Variants in REPS2 observed in about 807,000 individuals in gnomAD.
REPS2 encodes RALBP1 associated Eps domain containing 2, also known as ralBP1-associated Eps domain-containing protein 2.
REPS2 carries 23 observed loss-of-function variants against 53.6 expected under a neutral mutation model. The observed-to-expected ratio is 0.43, with a 90% CI of 0.31 to 0.61. The LOEUF (loss-of-function observed/expected upper bound fraction) is 0.61, where lower values mean the gene tolerates loss of function less well. Ranked by LOEUF, REPS2 falls within the 20% of genes least tolerant of loss-of-function variation. The pLI is 0.11. For missense variants in REPS2, 446 were observed against 534.9 expected (o/e 0.83, Z 1.64); for synonymous variants, 238 against 218.6 (o/e 1.09, Z -0.78).
chrX:16,993,458 C>T (rs902330513), intron 1 of REPS2, among the ~76,000 whole-genome samples: 6 of 111,318 alleles, frequency 5.4e-5, no homozygotes, highest in Admixed American at 4.8e-4. Context: ...TGATCCTAGG[C>T]GTGAGGTAGA....
chrX:17,117,656 T>G (rs1388061852), intron 14 of REPS2, among the ~76,000 whole-genome samples: 2 of 110,103 alleles, frequency 1.8e-5, no homozygotes, highest in African/African-American at 6.6e-5. Flanking sequence ...TGCCACATTT[T>G]CTTAATCCAG....
intron 5 of REPS2, among the ~76,000 whole-genome samples, chrX:17,037,027 A>G (rs2061774639): frequency 9.0e-6 from 1 of 110,831 alleles, no homozygotes; most frequent in Non-Finnish European, 1.9e-5. Context: ...CAGGTGTCCT[A>G]CTTCACTGAG....
Position 17,022,209 on chromosome X carries a change from C to G in REPS2, c.484C>G (p.Gln162Glu). 1 of 1,206,752 alleles carries G rather than the reference C, an allele frequency of 8.3e-7. No individual in the cohort carries two copies. The highest frequency in any genetic ancestry group is 2.3e-4 in the Middle Eastern group (1 of 4,342). The change falls in exon 3 of 18, where the codon CAG (glutamine) becomes GAG (glutamate). Residue 162 changes from glutamine (Q) to glutamate (E), a missense_variant. Coordinates refer to ENST00000357277, the MANE Select transcript of REPS2 (RefSeq NM_004726.3). Reference sequence around the variant, plus strand: ...AGCTGAGCTGCATGGAACTAAGGTTCAGATTCCATATTTAACTACAGAAAA... The same window carrying G: ...AGCTGAGCTGCATGGAACTAAGGTTGAGATTCCATATTTAACTACAGAAAA... The part of the protein sequence containing the change: ...NPAELHGTKV[Q>E]IPYLTTEKNS...
chrX:17,000,445 T>TAA (rs2061292628), intron 1 of REPS2, among the ~76,000 whole-genome samples: 1 of 111,869 alleles, frequency 8.9e-6, no homozygotes, highest in Non-Finnish European at 1.9e-5. Context: ...TTGCAGTCTT[T>TAA]AAGTTGGCAT....
the REPS2 span, among the ~76,000 whole-genome samples, chrX:17,177,871 G>C: frequency 1.8e-5 from 2 of 111,397 alleles, no homozygotes; most frequent in African/African-American, 6.5e-5. Context: ...AGTTGCCCTG[G>C]ATCTCGGCCA....
chrX:16,965,304 C>T (rs1181501473), intron 1 of REPS2, among the ~76,000 whole-genome samples: 6 of 109,033 alleles, frequency 5.5e-5, no homozygotes, highest in Non-Finnish European at 7.7e-5. Context: ...GGCGGCTGGC[C>T]GGGCGGGGGG....
intron 14 of REPS2, among the ~76,000 whole-genome samples, chrX:17,126,740 A>C (rs762657433): frequency 1.8e-5 from 2 of 111,759 alleles, no homozygotes; most frequent in East Asian, 5.6e-4. Flanking sequence ...AATAAAGTTT[A>C]TTGGAACACA....
At position 17,149,075 on chromosome X, in the gene REPS2, C is replaced by A. The variant is rs2063543582; in HGVS notation, c.*1594C>A. The A allele has an allele frequency of 6.2e-6, 2 of 320,197 alleles. No homozygotes were observed. Among genetic ancestry groups the A allele is most frequent in the Non-Finnish European group, 1.2e-5 (2 of 165,835 alleles). The allele number at this position is 320,197 out of a possible 1,213,427, so 26.4% of individuals were successfully genotyped here. A position where few individuals can be genotyped will look rare whatever the true frequency, so the allele number is the denominator to read the frequency against. On this transcript the variant is annotated 3_prime_UTR_variant, in exon 18 of 18. Transcript: ENST00000357277. ...TCCACAGAAAAACAAATTGTTGAAT[C>A]TATTCCGTGCATATTTAAGGATTTT...
intron 13 of REPS2, among the ~76,000 whole-genome samples, chrX:17,085,301 C>T (rs892932073): frequency 1.8e-5 from 2 of 111,768 alleles, no homozygotes; most frequent in Admixed American, 9.5e-5. Flanking sequence ...TTTGAAATTG[C>T]GAAGCGTGAG....
intron 11 of REPS2, among the ~76,000 whole-genome samples, chrX:17,072,701 C>T (rs973643877): frequency 1.8e-5 from 2 of 112,428 alleles, no homozygotes; most frequent in Non-Finnish European, 3.8e-5. Flanking sequence ...CTGCAGGCAG[C>T]CTGCGTAGAG....
At chrX:17,189,037 A>G in the REPS2 span, among the ~76,000 whole-genome samples, 27 of 112,191 alleles carry the variant, frequency 2.4e-4, no homozygotes, top group Admixed American at 1.3e-3. Context: ...ATCTGACATT[A>G]AAACCCAGAC....
chrX:17,011,136 C>T (rs1335913033), intron 2 of REPS2, among the ~76,000 whole-genome samples: 3 of 108,445 alleles, frequency 2.8e-5, no homozygotes, highest in East Asian at 5.8e-4. Context: ...GGGTGCTGTA[C>T]GACACAGGGC....
chrX:17,105,648 T>TAC lies in REPS2; in HGVS notation c.1578+1870_1578+1871dup, dbSNP rs751488224. Among the ~76,000 whole-genome samples the TAC allele has an allele frequency of 1.5e-4, 17 of 111,868 alleles. 1 individual carries two copies. The South Asian group carries it at 6.5e-3, about 42-fold the overall frequency. On this transcript the variant is annotated intron_variant, in intron 14 of 17. Coordinates refer to ENST00000357277, the MANE Select transcript of REPS2 (RefSeq NM_004726.3). ...ATCACAATATAAACAGTGAGCCCAG[T>TAC]ACTCAGCCTATCAGCTGCCTAACTA...
intron 14 of REPS2, among the ~76,000 whole-genome samples, chrX:17,114,681 C>T (rs187816026): frequency 1.8e-5 from 2 of 112,260 alleles, no homozygotes; most frequent in African/African-American, 6.5e-5. Flanking sequence ...AGTGATAAGA[C>T]ATATATTGCA....
the REPS2 span, among the ~76,000 whole-genome samples, chrX:17,165,660 C>T: frequency 9.0e-6 from 1 of 111,075 alleles, no homozygotes; most frequent in African/African-American, 3.3e-5. Context: ...TTTTGCAATG[C>T]CCTGGCCTAA....
intron 14 of REPS2, among the ~76,000 whole-genome samples, chrX:17,116,779 ATACT>A (rs1188698711): frequency 2.7e-5 from 3 of 112,258 alleles, no homozygotes; most frequent in South Asian, 7.4e-4. Flanking sequence ...GGATTCTAAA[ATACT>A]TACTTTAAAG....
chrX:16,964,343 G>A (rs1371556497), intron 1 of REPS2, among the ~76,000 whole-genome samples: 5 of 109,329 alleles, frequency 4.6e-5, no homozygotes, highest in African/African-American at 1.7e-4. Context: ...CACCGGGTTG[G>A]GGGTAAGGTC....
At chrX:16,964,797 C>G (rs1471334785) in intron 1 of REPS2, among the ~76,000 whole-genome samples, 2 of 86,892 alleles carry the variant, frequency 2.3e-5, no homozygotes, top group Non-Finnish European at 4.6e-5. Context: ...CTGACCCCCC[C>G]ACCTCCCTCC....
chrX:17,112,774 C>T (rs2062988701), intron 14 of REPS2, among the ~76,000 whole-genome samples: 1 of 110,554 alleles, frequency 9.0e-6, no homozygotes. Context: ...CCAAAATCAA[C>T]AGTTAGCTTT....
Sources: allele counts gnomAD v4.1 joint callset (sites outside exome capture counted in the v4.1 genomes callset), GRCh38; gene constraint gnomAD v4.1.1; transcripts MANE v1.5; gene names NCBI Gene and HGNC (gene_info 2026-07-23, HGNC 2026-07-21).